Variants in ARNT2 observed in about 807,000 individuals in gnomAD.
ARNT2 encodes the protein ARNT protein 2.
ARNT2 carries 36 observed loss-of-function variants against 91.7 expected under a neutral mutation model. That is an observed-to-expected ratio of 0.39 (90% CI 0.30 to 0.52). The LOEUF (loss-of-function observed/expected upper bound fraction) is 0.52. Among genes scored for constraint, ARNT2 ranks in the 20% least tolerant of loss-of-function variants. The pLI is 0.72. For missense variants in ARNT2, 775 were observed against 939.3 expected (o/e 0.83, Z 2.29); for synonymous variants, 365 against 347.1 (o/e 1.05, Z -0.57).
intron 6 of ARNT2, among the ~76,000 whole-genome samples, chr15:80,510,703 C>CT (rs138812630): frequency 0.042 from 6,445 of 152,158 alleles, 300 homozygotes; most frequent in African/African-American, 0.11. Context: ...GTGACGCGTG[C>CT]TTGTAGTCCC....
chr15:80,577,729 G>C (rs1232154781), intron 15 of ARNT2, among the ~76,000 whole-genome samples: 2 of 152,256 alleles, frequency 1.3e-5, no homozygotes, highest in Non-Finnish European at 1.5e-5. Context: ...GCCACCCAGA[G>C]AGAGGCCCCT....
chr15:80,458,003 T>C lies in ARNT2; in HGVS notation c.194+27T>C, dbSNP rs757007152. 8 of 1,603,524 alleles carry C rather than the reference T, an allele frequency of 5.0e-6. No homozygotes were observed. In the African/African-American group the frequency reaches 1.1e-4, roughly 21 times the overall value. On this transcript the variant is annotated intron_variant, in intron 3 of 18. Transcript: ENST00000303329. ...TAAGTTTATTTTATTTTCCTTAGAC[T>C]TAAAGAAGGCAATAGCCAGCATTCA...
intron 5 of ARNT2, among the ~76,000 whole-genome samples, chr15:80,484,177 T>C (rs1896930455): frequency 6.8e-6 from 1 of 147,618 alleles, no homozygotes; most frequent in East Asian, 2.0e-4. Context: ...CATATATAAA[T>C]GTGGCAAAAA....
intron 6 of ARNT2, among the ~76,000 whole-genome samples, chr15:80,513,596 C>A (rs1478572925): frequency 3.3e-5 from 5 of 152,062 alleles, no homozygotes; most frequent in African/African-American, 2.4e-5. Flanking sequence ...CTGAAATGAT[C>A]TGCAGGACTG....
chr15:80,551,136 A>G lies in ARNT2; in HGVS notation c.878-63A>G, dbSNP rs950602239. The G allele has an allele frequency of 8.6e-6, 13 of 1,504,794 alleles. No individual in the cohort carries two copies. The African/African-American group carries it at 1.5e-4, about 18-fold the overall frequency. The allele number at this position is 1,504,794 out of a possible 1,614,324, so 93.2% of individuals were successfully genotyped here. A position where few individuals can be genotyped will look rare whatever the true frequency, so the allele number is the denominator to read the frequency against. On this transcript the variant is annotated intron_variant, in intron 8 of 18. Coordinates refer to ENST00000303329, the MANE Select transcript of ARNT2 (RefSeq NM_014862.4). ...CGATTGCTTAAATAAAATCGTGGAC[A>G]CTTTTCTTCTTTCCCATTCACCTTG...
intron 8 of ARNT2, among the ~76,000 whole-genome samples, chr15:80,528,412 A>G (rs1218178231): frequency 6.6e-6 from 1 of 151,178 alleles, no homozygotes; most frequent in Non-Finnish European, 1.5e-5. Context: ...CTATCTATCT[A>G]TTTATCATCT....
At chr15:80,457,688 A>G (rs971701517) in intron 2 of ARNT2, among the ~76,000 whole-genome samples, 1 of 152,196 alleles carries the variant, frequency 6.6e-6, no homozygotes, top group African/African-American at 2.4e-5. Flanking sequence ...GGACTAGTTG[A>G]TACTTAAATA....
intron 2 of ARNT2, among the ~76,000 whole-genome samples, chr15:80,454,131 C>G (rs777591432): frequency 2.0e-5 from 3 of 152,312 alleles, no homozygotes; most frequent in Middle Eastern, 3.4e-3. Context: ...GGTGGAGGTT[C>G]CAAAGTCCCA....
chr15:80,430,533 G>T (rs1312277957), intron 1 of ARNT2, among the ~76,000 whole-genome samples: 1 of 152,206 alleles, frequency 6.6e-6, no homozygotes, highest in Non-Finnish European at 1.5e-5. Context: ...AAGGAACAGA[G>T]CCCAAAGCTA....
chr15:80,571,684 C>T (rs949214677), intron 12 of ARNT2, among the ~76,000 whole-genome samples: 2 of 152,174 alleles, frequency 1.3e-5, no homozygotes, highest in Non-Finnish European at 2.9e-5. Flanking sequence ...CTGCTCACTC[C>T]CCCTGTCCCT....
rs149940764 is a variant in ARNT2 at position 80,552,664 on chromosome 15, G to A, written c.979G>A (p.Asp327Asn). The A allele has an allele frequency of 8.7e-5, 141 of 1,614,066 alleles. No individual in the cohort carries two copies. Among genetic ancestry groups the A allele is most frequent in the East Asian group, 3.1e-4 (14 of 44,872 alleles). ...GGTGACCAGCTCTCCTGTATGCATG[G>A]ACATGAATGGGATGTCGGTGCCCAC... ...LQVTSSPVCM[D>N]MNGMSVPTEF... Residue 327 changes from aspartate to asparagine, a missense_variant, in exon 10 of 19, where the codon GAC (aspartate) becomes AAC (asparagine). Asp to Asn is a conservative substitution (Grantham distance 23). This residue lies in a region of ARNT2 where 285 missense variants were observed against 327.2 expected (regional missense o/e 0.87). Transcript: ENST00000303329.
chr15:80,545,853 G>A (rs1897981522), intron 8 of ARNT2, among the ~76,000 whole-genome samples: 1 of 152,220 alleles, frequency 6.6e-6, no homozygotes. Context: ...AGGACACTGT[G>A]CTTTGTTCTG....
intron 8 of ARNT2, among the ~76,000 whole-genome samples, chr15:80,539,665 T>C (rs1035161313): frequency 6.6e-6 from 1 of 152,114 alleles, no homozygotes; most frequent in Non-Finnish European, 1.5e-5. Context: ...TTGTTGGAGA[T>C]GTCATGATTA....
At chr15:80,469,920 G>C (rs1431492756) in intron 3 of ARNT2, among the ~76,000 whole-genome samples, 1 of 152,154 alleles carries the variant, frequency 6.6e-6, no homozygotes, top group Non-Finnish European at 1.5e-5. Flanking sequence ...CAGCCCTCGT[G>C]TCTCAATTTT....
intron 5 of ARNT2, among the ~76,000 whole-genome samples, chr15:80,498,220 C>T (rs1171590487): frequency 3.3e-5 from 5 of 152,174 alleles, no homozygotes; most frequent in Non-Finnish European, 5.9e-5. Flanking sequence ...CGATGGCACA[C>T]GATTTTTTTC....
intron 3 of ARNT2, among the ~76,000 whole-genome samples, chr15:80,469,764 G>A (rs898427148): frequency 2.0e-5 from 3 of 152,186 alleles, no homozygotes; most frequent in East Asian, 3.9e-4. Flanking sequence ...ACAGGCATGC[G>A]CTACCATGCC....
Position 80,597,306 on chromosome 15 carries a change from A to G in ARNT2, c.*3608A>G, listed in dbSNP as rs1893390001. On this transcript the variant is annotated 3_prime_UTR_variant, in exon 19 of 19. Coordinates refer to ENST00000303329, the MANE Select transcript of ARNT2 (RefSeq NM_014862.4). ...CACGGTTCTGACCTACCACATAAACAGGAAGAAGCCAGTGACCGGAACAGC... is the reference window on the plus strand; with the variant it reads ...CACGGTTCTGACCTACCACATAAACGGGAAGAAGCCAGTGACCGGAACAGC... 1 of 518,746 alleles carries G rather than the reference A, an allele frequency of 1.9e-6. No homozygotes were observed. Among genetic ancestry groups the G allele is most frequent in the Non-Finnish European group, 3.8e-6 (1 of 259,844 alleles). The allele number at this position is 518,746 out of a possible 1,614,324, so 32.1% of individuals were successfully genotyped here.
chr15:80,564,924 CTT>C (rs66830115), intron 12 of ARNT2, among the ~76,000 whole-genome samples: 347 of 146,006 alleles, frequency 2.4e-3, no homozygotes, highest in Middle Eastern at 0.01. Flanking sequence ...TCTTCTTCTC[CTT>C]TTTTTTTTTT....
chr15:80,567,560 G>A (rs1026373575), intron 12 of ARNT2, among the ~76,000 whole-genome samples: 4 of 152,202 alleles, frequency 2.6e-5, no homozygotes, highest in Admixed American at 6.5e-5. Flanking sequence ...AGGTAGCACT[G>A]CAGTGGGGTT....
Sources: gnomAD v4.1 joint callset for allele counts (sites outside exome capture counted in the v4.1 genomes callset) on GRCh38, gnomAD v4.1.1 for gene constraint, gnomAD v4.1.1 regional missense constraint, MANE v1.5 for transcripts, NCBI Gene and HGNC (gene_info 2026-07-23, HGNC 2026-07-21) for gene names.